The following LDB3 variants were observed in gnomAD, a reference collection of about 807,000 sequenced individuals.
The protein encoded by LDB3 is LIM domain-binding protein 3.
In LDB3, 49 loss-of-function variants were observed where a neutral mutation model predicts 69.0. That is an observed-to-expected ratio of 0.71 (90% confidence interval 0.56 to 0.90). The LOEUF is 0.90. Ranked by LOEUF, LDB3 falls within the 40% of genes least tolerant of loss-of-function variation. LDB3 has a pLI of 0.00. For missense variants in LDB3, 928 were observed against 974.1 expected (o/e 0.95, Z 0.63); for synonymous variants, 387 against 396.2 (o/e 0.98, Z 0.28).
At chr10:86,692,746 G>A (rs1845826844) in intron 7 of LDB3, among the ~76,000 whole-genome samples, 175 bp downstream of exon 7, 1 of 152,246 alleles carries the variant, frequency 6.6e-6, no homozygotes, top group Non-Finnish European at 1.5e-5. Context: ...AGTCAGTGAG[G>A]TGGGCACCTG....
intron 5 of LDB3, among the ~76,000 whole-genome samples, chr10:86,685,868 G>A (rs961494956): frequency 1.3e-5 from 2 of 152,140 alleles, no homozygotes; most frequent in East Asian, 1.9e-4. Flanking sequence ...TGTGAAGCTG[G>A]AGTAGAAGCA....
chr10:86,730,901 C>T (rs988203012), intron 13 of LDB3, among the ~76,000 whole-genome samples: 1 of 152,048 alleles, frequency 6.6e-6, no homozygotes, highest in Admixed American at 6.5e-5. Context: ...GCCTGTAATC[C>T]CAGCACTTTG....
chr10:86,724,172 G>A (rs961890677), intron 12 of LDB3, among the ~76,000 whole-genome samples: 6 of 152,098 alleles, frequency 3.9e-5, no homozygotes, highest in African/African-American at 7.2e-5. Context: ...TTAGCCAGGC[G>A]TGGTGGCACA....
In LDB3 at chr10:86,733,485, T is replaced by C. The variant is rs1847543598; in HGVS notation, c.*509T>C. ...GGGCTTTCCTCACCAAAAAAGGAAG[T>C]GTTATTCCATTACTAGCGTCATGGA... On this transcript the variant is annotated 3_prime_UTR_variant, in exon 14 of 14. Coordinates refer to ENST00000361373, the MANE Select transcript of LDB3 (RefSeq NM_007078.3). 1 of 168,228 alleles carries C rather than the reference T, an allele frequency of 5.9e-6. No individual in the cohort carries two copies. Among genetic ancestry groups the C allele is most frequent in the East Asian group, 1.7e-4 (1 of 5,866 alleles). The allele number at this position is 168,228 out of a possible 1,614,324, so 10.4% of individuals were successfully genotyped here.
intron 13 of LDB3, 84 bp from the exon 14 acceptor site, chr10:86,732,803 C>A: frequency 1.8e-6 from 2 of 1,092,604 alleles, no homozygotes; most frequent in Non-Finnish European, 2.7e-6. Flanking sequence ...CACGCCTGGC[C>A]AGGGCGTTTT....
At chr10:86,714,216 A>T (rs1265457776) in intron 9 of LDB3, among the ~76,000 whole-genome samples, 1 of 152,226 alleles carries the variant, frequency 6.6e-6, no homozygotes, top group African/African-American at 2.4e-5. Context: ...GCCCAAGGAC[A>T]CAAAACCAGG....
At chr10:86,673,777 C>A (rs56204043) in intron 2 of LDB3, among the ~76,000 whole-genome samples, 4,824 of 152,082 alleles carry the variant, frequency 0.032, 107 homozygotes, top group Middle Eastern at 0.054. Context: ...CCTGCCCCAG[C>A]CTCCACCCAC....
intron 13 of LDB3, among the ~76,000 whole-genome samples, chr10:86,729,060 C>T (rs1847369263): frequency 6.6e-6 from 1 of 152,118 alleles, no homozygotes. Flanking sequence ...GTAGCTCTCC[C>T]AGCTGATGTG....
rs1183240131 is a variant in LDB3, at chr10:86,681,615, C to A, written c.501C>A (p.Ser167Arg). Residue 167 changes from serine (S) to arginine (R), a missense_variant, in exon 5 of 14, where the codon AGC becomes AGA. By Grantham distance (110) the Ser-to-Arg change is moderately radical. Coordinates refer to ENST00000361373, the MANE Select transcript of LDB3 (RefSeq NM_007078.3). ...CTGACCCTGGCCCTCCGCGGGCCAGCCTGAGGGCCAAGACCAGCCCAGAGG... is the reference window on the plus strand; with the variant it reads ...CTGACCCTGGCCCTCCGCGGGCCAGACTGAGGGCCAAGACCAGCCCAGAGG... ...EASDPGPPRA[S>R]LRAKTSPEGA... The A allele has an allele frequency of 1.9e-6, 3 of 1,612,994 alleles. No individual in the cohort carries two copies. The highest frequency in any genetic ancestry group is 4.5e-5 in the East Asian group (2 of 44,884).
intron 7 of LDB3, among the ~76,000 whole-genome samples, chr10:86,695,126 G>T (rs933376307): frequency 3.7e-5 from 4 of 109,108 alleles, no homozygotes; most frequent in African/African-American, 1.3e-4. Flanking sequence ...CCCATGCAAA[G>T]GTGCTTTCTC....
At chr10:86,702,537 C>G (rs1321999904) in intron 7 of LDB3, among the ~76,000 whole-genome samples, 3 of 152,198 alleles carry the variant, frequency 2.0e-5, no homozygotes, top group Non-Finnish European at 4.4e-5. Flanking sequence ...GCCAACCCCC[C>G]ATGGAGCCAT....
intron 5 of LDB3, among the ~76,000 whole-genome samples, chr10:86,682,394 C>T (rs1209901210): frequency 6.6e-6 from 1 of 152,058 alleles, no homozygotes; most frequent in Non-Finnish European, 1.5e-5. Flanking sequence ...GGCGAGGAAG[C>T]AGGACCCCAA....
At chr10:86,704,390 A>C (rs992312954) in intron 7 of LDB3, among the ~76,000 whole-genome samples, 1 of 152,074 alleles carries the variant, frequency 6.6e-6, no homozygotes, top group East Asian at 1.9e-4. Context: ...GGGAGGTTTA[A>C]ATGATAAAAT....
At chr10:86,725,925 A>T (rs1164533037) in intron 12 of LDB3, among the ~76,000 whole-genome samples, 1 of 152,202 alleles carries the variant, frequency 6.6e-6, no homozygotes, top group African/African-American at 2.4e-5. Context: ...CCAGCACAAG[A>T]TGGTGTCTAA....
chr10:86,722,356 G>A (rs1474623590), intron 12 of LDB3, among the ~76,000 whole-genome samples: 1 of 152,136 alleles, frequency 6.6e-6, no homozygotes, highest in East Asian at 1.9e-4. Flanking sequence ...CGCCTCTGGG[G>A]TTCATGCAAT....
At chr10:86,685,590 C>G in intron 5 of LDB3, 1 of 1,365,444 alleles carries the variant, frequency 7.3e-7, no homozygotes, top group African/African-American at 1.4e-5. Flanking sequence ...TCCACAATGA[C>G]CAGGCTGATG....
chr10:86,724,618 TA>T (rs1488787730), intron 12 of LDB3, among the ~76,000 whole-genome samples: 4 of 150,040 alleles, frequency 2.7e-5, no homozygotes, highest in Non-Finnish European at 5.9e-5. Flanking sequence ...AAAATAAAAA[TA>T]AAAAATAAAT....
At chr10:86,686,765 C>T (rs1845489381) in intron 5 of LDB3, among the ~76,000 whole-genome samples, 1 of 149,326 alleles carries the variant, frequency 6.7e-6, no homozygotes, top group Admixed American at 6.7e-5. Context: ...GGAGATCACA[C>T]CACTGCACTC....
chr10:86,718,740 C>T lies in LDB3; in HGVS notation c.1871C>T (p.Ala624Val), dbSNP rs1285932270. 5 of 1,614,178 alleles carry T rather than the reference C, an allele frequency of 3.1e-6. No individual in the cohort carries two copies. Among genetic ancestry groups the T allele is most frequent in the Non-Finnish European group, 4.2e-6 (5 of 1,180,032 alleles). The change falls in exon 12 of 14, where the codon GCC (alanine) becomes GTC (valine). Residue 624 changes from alanine to valine, a missense_variant. Ala to Val is a moderately conservative substitution (Grantham distance 64, BLOSUM62 0). Transcript: ENST00000361373. ...TCTTTCCCCCAGGAAGTAATGCATG[C>T]CTTGAGACAGACATGGCACACCACC... ...NTKIMGEVMH[A>V]LRQTWHTTCF...
Sources: allele counts gnomAD v4.1 joint callset (sites outside exome capture counted in the v4.1 genomes callset), GRCh38; gene constraint gnomAD v4.1.1; transcripts MANE v1.5; gene names NCBI Gene and HGNC (gene_info 2026-07-23, HGNC 2026-07-21).